BRIP1: variants seen among roughly 807,000 people sequenced by gnomAD.
BRIP1 encodes the protein BRCA1 interacting DNA helicase 1.
In BRIP1, 88 loss-of-function variants were observed where a neutral mutation model predicts 119.7. The ratio of observed to expected loss-of-function variants is 0.74; its 90% CI spans 0.62 to 0.88. BRIP1 has a LOEUF of 0.88. Among genes scored for constraint, BRIP1 ranks in the 40% least tolerant of loss-of-function variants. The pLI is 0.00. For missense variants in BRIP1, 1,259 were observed against 1,455.4 expected, an observed-to-expected ratio of 0.87 and a Z score of 2.20; for synonymous variants, 443 against 496.5, an observed-to-expected ratio of 0.89 and a Z score of 1.43.
rs1174816005 is a variant in BRIP1, at chr17:61,793,544, TA to T, written c.1473+52del. 1 of 1,543,242 alleles carries T rather than the reference TA, an allele frequency of 6.5e-7. No homozygotes were observed. The highest frequency in any genetic ancestry group is 8.9e-7 in the Non-Finnish European group (1 of 1,129,564). ...GATTTAATCTGGATTTAGTCACGAC[TA>T]AATCACTTCTAATTCACTAAATACG... On this transcript the variant is annotated intron_variant, in intron 10 of 19. Transcript: ENST00000259008. The surrounding 1 kb of genome is among the most constrained non-coding windows in gnomAD (Gnocchi z 5.2).
chr17:61,716,132 T>G, intron 16 of BRIP1, 69 bp from the exon 17 acceptor site: 1 of 960,946 alleles, frequency 1.0e-6, no homozygotes, highest in Non-Finnish European at 1.5e-6. Flanking sequence ...TCATATTAAC[T>G]TCTAACAGTT....
At position 61,859,902 on chromosome 17, in the gene BRIP1, G is replaced by C. The variant is rs1567877092; in HGVS notation, c.99C>G (p.Leu33=). The C allele has an allele frequency of 2.5e-6, 4 of 1,597,298 alleles. No individual in the cohort carries two copies. The highest frequency in any genetic ancestry group is 3.4e-6 in the Non-Finnish European group (4 of 1,164,784). Reference sequence around the variant, plus strand: ...AATGTTGCTTGCTGTTTAATCCTCTGAGAATCTATGAACACAGAAACCAAT... The same window carrying C: ...AATGTTGCTTGCTGTTTAATCCTCTCAGAATCTATGAACACAGAAACCAAT... ...PSQLAMMNSI[L]RGLNSKQHCL... Residue 33 remains leucine, a synonymous_variant, in exon 3 of 20, where the codon CTC becomes CTG. Transcript: ENST00000259008.
intron 6 of BRIP1, among the ~76,000 whole-genome samples, chr17:61,819,218 A>G (rs2078284009): frequency 6.6e-6 from 1 of 152,068 alleles, no homozygotes; most frequent in Non-Finnish European, 1.5e-5. Context: ...TATCCAAAAC[A>G]CAAGCAATAA....
At position 61,761,494 on chromosome 17, in the gene BRIP1, T is replaced by TTATATA; in HGVS notation, c.2097+14901_2097+14906dup. 6.6e-6 allele frequency among the ~76,000 whole-genome samples: 1 copy of TTATATA among 151,886 alleles called. No individual in the cohort carries two copies. The highest frequency in any genetic ancestry group is 1.9e-4 in the East Asian group (1 of 5,190). On this transcript the variant is annotated intron_variant, in intron 14 of 19. Transcript: ENST00000259008. This position sits in a 1 kb window ranked among gnomAD's most constrained non-coding sequence, Gnocchi z 6.4. Reference sequence around the variant, plus strand: ...GCCCCTGTTTGCTGAAGACATAATCTTATATATAGAAACCCCTAAAGACTA... The same window carrying TTATATA: ...GCCCCTGTTTGCTGAAGACATAATCTTATATATATATATAGAAACCCCTAAAGACTA...
intron 17 of BRIP1, among the ~76,000 whole-genome samples, chr17:61,707,810 GT>G (rs903428763): frequency 2.7e-5 from 4 of 150,038 alleles, no homozygotes; most frequent in African/African-American, 9.8e-5. Context: ...CCCATGTCTT[GT>G]TTTTGTACAG....
At chr17:61,766,156 T>C (rs973182327) in intron 14 of BRIP1, among the ~76,000 whole-genome samples, 19 of 152,322 alleles carry the variant, frequency 1.2e-4, no homozygotes, top group South Asian at 6.2e-4. Context: ...GAGGATAGCA[T>C]TGAACTAGAA....
In BRIP1 at chr17:61,825,697, G is replaced by C. The variant is rs1278066843; in HGVS notation, c.628-16940C>G. Among the ~76,000 whole-genome samples the C allele has an allele frequency of 6.6e-6, 1 of 151,548 alleles. No individual in the cohort carries two copies. The highest frequency in any genetic ancestry group is 2.4e-5 in the African/African-American group (1 of 41,290). On this transcript the variant is annotated intron_variant, in intron 6 of 19. Transcript: ENST00000259008. The surrounding 1 kb of genome is among the most constrained non-coding windows in gnomAD (Gnocchi z 4.1). The stretch of plus-strand genomic sequence containing the variant: ...AACTGGGAATACAACTAACCAGGTA[G>C]GTGAAAGATCTCTACAAAGGGAACT...
Position 61,752,192 on chromosome 17 carries a change from TTCACAAA to T in BRIP1, c.2098-7608_2098-7602del, listed in dbSNP as rs1286760495. 6.6e-6 allele frequency among the ~76,000 whole-genome samples: 1 copy of T among 152,166 alleles called. No homozygotes were observed. The highest frequency in any genetic ancestry group is 2.4e-5 in the African/African-American group (1 of 41,416). On this transcript the variant is annotated intron_variant, in intron 14 of 19. Transcript: ENST00000259008. This position sits in a 1 kb window ranked among gnomAD's most constrained non-coding sequence, Gnocchi z 6.2. ...TTTGTAGACTTATATACACACATAT[TTCACAAA>T]TATAAAATATAAAAATTAAACAACA...
chr17:61,698,086 G>A (rs766659698), intron 17 of BRIP1, among the ~76,000 whole-genome samples: 8 of 152,168 alleles, frequency 5.3e-5, no homozygotes, highest in East Asian at 1.9e-4. Flanking sequence ...GATTACACAC[G>A]TGAGCCACCG....
intron 16 of BRIP1, among the ~76,000 whole-genome samples, chr17:61,716,689 T>G (rs575390870): frequency 1.3e-5 from 1 of 77,698 alleles, no homozygotes; most frequent in Non-Finnish European, 2.7e-5. Flanking sequence ...ATGATTGGGT[T>G]TAAGACTACC....
At position 61,822,081 on chromosome 17, in the gene BRIP1, G is replaced by A. The variant is rs760698020; in HGVS notation, c.628-13324C>T. Among the ~76,000 whole-genome samples the A allele has an allele frequency of 1.3e-5, 2 of 152,048 alleles. No individual in the cohort carries two copies. The highest frequency in any genetic ancestry group is 2.9e-5 in the Non-Finnish European group (2 of 68,014). ...TGACAGAAGACATAATAAAAACCTCGTGTGACTGGTTTTTGATGTGAAAAA... is the reference window on the plus strand; with the variant it reads ...TGACAGAAGACATAATAAAAACCTCATGTGACTGGTTTTTGATGTGAAAAA... On this transcript the variant is annotated intron_variant, in intron 6 of 19. Coordinates refer to ENST00000259008, the MANE Select transcript of BRIP1 (RefSeq NM_032043.3). The surrounding 1 kb of genome is among the most constrained non-coding windows in gnomAD (Gnocchi z 4.4).
rs2078035173 is a variant in BRIP1 at position 61,804,031 on chromosome 17, A to C, written c.919-2557T>G. Among the ~76,000 whole-genome samples, 1 of 152,182 alleles carries C rather than the reference A, an allele frequency of 6.6e-6. No homozygotes were observed. The highest frequency in any genetic ancestry group is 2.4e-5 in the African/African-American group (1 of 41,454). The stretch of plus-strand genomic sequence containing the variant: ...TGAATAACGTGTATAGAATGATTAA[A>C]TTCATGTAAATTGCTTTTTTAAAGA... On this transcript the variant is annotated intron_variant, in intron 7 of 19. Transcript: ENST00000259008. The surrounding 1 kb of genome is among the most constrained non-coding windows in gnomAD (Gnocchi z 4.5).
Position 61,798,950 on chromosome 17 carries a change from C to T in BRIP1, c.1340+150G>A. ...TGAACAAGACAAAAGGTTGGACTAG[C>T]CTTGTTTTTAAAGCTTAACTGGCAA... On this transcript the variant is annotated intron_variant, in intron 9 of 19. Coordinates refer to ENST00000259008, the MANE Select transcript of BRIP1 (RefSeq NM_032043.3). This position sits in a 1 kb window ranked among gnomAD's most constrained non-coding sequence, Gnocchi z 5.5. The T allele has an allele frequency of 1.4e-6, 1 of 717,852 alleles. No homozygotes were observed. Among genetic ancestry groups the T allele is most frequent in the East Asian group, 2.7e-5 (1 of 37,544 alleles). 44.5% of individuals were successfully genotyped at this position (717,852 alleles called of 1,614,324 possible). A position where few individuals can be genotyped will look rare whatever the true frequency, so the allele number is the denominator to read the frequency against.
rs962979591 is a variant in BRIP1 at position 61,774,847 on chromosome 17, C to T, written c.2097+1554G>A. Reference sequence around the variant, plus strand: ...TCTCTAGTCACCCAATTATAAATGTCTGTAACTAAAATTCATACTGTCTGC... The same window carrying T: ...TCTCTAGTCACCCAATTATAAATGTTTGTAACTAAAATTCATACTGTCTGC... On this transcript the variant is annotated intron_variant, in intron 14 of 19. Coordinates refer to ENST00000259008, the MANE Select transcript of BRIP1 (RefSeq NM_032043.3). This position sits in a 1 kb window ranked among gnomAD's most constrained non-coding sequence, Gnocchi z 5.8. 6.6e-6 allele frequency among the ~76,000 whole-genome samples: 1 copy of T among 152,284 alleles called. No individual in the cohort carries two copies. Among genetic ancestry groups the T allele is most frequent in the South Asian group, 2.1e-4 (1 of 4,826 alleles).
In BRIP1 at chr17:61,847,185, G is replaced by T; in HGVS notation, c.543C>A (p.His181Gln). 6.2e-7 allele frequency: 1 copy of T among 1,613,554 alleles called. No homozygotes were observed. Among genetic ancestry groups the T allele is most frequent in the Non-Finnish European group, 8.5e-7 (1 of 1,179,572 alleles). Residue 181 changes from histidine (H) to glutamine (Q), a missense_variant, in exon 6 of 20, where the codon CAC (histidine) becomes CAA (glutamine). Coordinates refer to ENST00000259008, the MANE Select transcript of BRIP1 (RefSeq NM_032043.3). ...RKRHCFGTEV[H>Q]NLDAKVDSGK... ...CTGAATCAACTTTTGCATCCAAATT[G>T]TGTACTTCTGTTCCAAAGCAATGAC...
Position 61,685,965 on chromosome 17 carries a change from C to T in BRIP1, c.2776G>A (p.Ala926Thr), listed in dbSNP as rs1003917080. ...YSTSPYLLEA[A>T]SHLSPENFVE... ...AAATTTTCTGGTGATAGATGACTTG[C>T]TGCTTCCAGTAAATAAGGTGAGGTA... Residue 926 changes from alanine (A) to threonine (T), a missense_variant, in exon 19 of 20, where the codon GCA becomes ACA. Around this residue, in one of 3 missense-constraint regions of BRIP1, gnomAD observed 753 missense variants for 891.8 expected, o/e 0.84. Coordinates refer to ENST00000259008, the MANE Select transcript of BRIP1 (RefSeq NM_032043.3). 4 of 1,613,888 alleles carry T rather than the reference C, an allele frequency of 2.5e-6. No individual in the cohort carries two copies. The African/African-American group carries it at 5.3e-5, about 22-fold the overall frequency.
At chr17:61,788,367 GA>G (rs933801684) in intron 10 of BRIP1, among the ~76,000 whole-genome samples, 3 of 152,020 alleles carry the variant, frequency 2.0e-5, no homozygotes, top group African/African-American at 7.2e-5. Flanking sequence ...TCATGAATGG[GA>G]AAACTTCATA....
intron 16 of BRIP1, among the ~76,000 whole-genome samples, chr17:61,731,650 C>T (rs2076844620): frequency 6.6e-6 from 1 of 152,194 alleles, no homozygotes; most frequent in African/African-American, 2.4e-5. Context: ...ACATTCATAA[C>T]TCCTAGTTTT....
rs900750836 is a variant in BRIP1 at position 61,691,835 on chromosome 17, C to G, written c.2575+1595G>C. ...GAAAAATGATAAAAGCTGCAGGCAT[C>G]ATACCTCCCGATTATAAAATACATT... is the stretch of plus-strand genomic sequence containing the variant. On this transcript the variant is annotated intron_variant, in intron 18 of 19. Coordinates refer to ENST00000259008, the MANE Select transcript of BRIP1 (RefSeq NM_032043.3). This position sits in a 1 kb window ranked among gnomAD's most constrained non-coding sequence, Gnocchi z 5.0. 1.3e-5 allele frequency among the ~76,000 whole-genome samples: 2 copies of G among 152,184 alleles called. No homozygotes were observed. Among genetic ancestry groups the G allele is most frequent in the African/African-American group, 4.8e-5 (2 of 41,452 alleles).
Sources: gnomAD v4.1 joint callset for allele counts (sites outside exome capture counted in the v4.1 genomes callset) on GRCh38, gnomAD v4.1.1 for gene constraint, gnomAD v4.1.1 regional missense constraint, Gnocchi (gnomAD v3.1) non-coding constraint, MANE v1.5 for transcripts, NCBI Gene and HGNC (gene_info 2026-07-23, HGNC 2026-07-21) for gene names.